ABCB5: variants seen among roughly 807,000 people sequenced by gnomAD.
ABCB5 encodes the protein ATP binding cassette subfamily B member 5, also known as ATP-binding cassette sub-family B member 5.
A neutral mutation model predicts 144.2 loss-of-function variants in ABCB5; 155 were observed. The ratio of observed to expected loss-of-function variants is 1.08; its 90% CI spans 0.94 to 1.23. The LOEUF (loss-of-function observed/expected upper bound fraction) is 1.23. ABCB5 is among the 50% of genes most tolerant of loss of function. The probability of loss-of-function intolerance (pLI) is 0.00; values close to 1 mark genes in which losing one functional copy is unlikely to be tolerated. For synonymous variants in ABCB5, 610 were observed against 528.6 expected, an observed-to-expected ratio of 1.15 and a Z score of -2.11; for missense variants, 1,830 against 1,520.8, an observed-to-expected ratio of 1.20 and a Z score of -3.38.
intron 20 of ABCB5, among the ~76,000 whole-genome samples, chr7:20,712,317 C>T (rs2128046648): frequency 6.7e-6 from 1 of 149,000 alleles, no homozygotes; most frequent in South Asian, 2.2e-4. Flanking sequence ...TTATCACTGA[C>T]TTTGAAATGT....
At chr7:20,687,524 G>A (rs1292326969) in intron 16 of ABCB5, among the ~76,000 whole-genome samples, 1 of 152,190 alleles carries the variant, frequency 6.6e-6, no homozygotes, top group Non-Finnish European at 1.5e-5. Flanking sequence ...GCTCTGAAAA[G>A]AAGGCTGAAA....
In ABCB5 at chr7:20,723,003, T is replaced by C. The variant is rs1781922305; in HGVS notation, c.2422-13T>C. The C allele has an allele frequency of 1.2e-6, 2 of 1,613,126 alleles. No individual in the cohort carries two copies. The highest frequency in any genetic ancestry group is 1.3e-5 in the African/African-American group (1 of 75,012). ...TAATTGAGTTTTTTCCCCCAAAATA[T>C]GTCTGATTATAGGCAACAGGTTCCA... is the stretch of plus-strand genomic sequence containing the variant. On this transcript the variant is annotated splice_polypyrimidine_tract_variant and intron_variant, in intron 20 of 27. Transcript: ENST00000404938.
In ABCB5 at chr7:20,657,967, T is replaced by C. The variant is rs375483892; in HGVS notation, c.1537-539T>C. 2.0e-5 allele frequency among the ~76,000 whole-genome samples: 3 copies of C among 152,238 alleles called. No homozygotes were observed. The East Asian group carries it at 5.8e-4, about 29-fold the overall frequency. On this transcript the variant is annotated intron_variant, in intron 13 of 27. Coordinates refer to ENST00000404938, the MANE Select transcript of ABCB5 (RefSeq NM_001163941.2). ...AAATATGGAAGACAAAATATCTACT[T>C]TGTTAAAGATAAATTTATTTTAAAA...
intron 26 of ABCB5, 42 bp from the exon 27 acceptor site, chr7:20,753,318 A>G (rs1324094721): frequency 1.3e-6 from 2 of 1,562,920 alleles, no homozygotes; most frequent in African/African-American, 2.7e-5. Flanking sequence ...GCTAATTTAA[A>G]TAACCAAGAC....
intron 20 of ABCB5, among the ~76,000 whole-genome samples, chr7:20,705,817 T>A (rs1474348677): frequency 6.6e-6 from 1 of 151,988 alleles, no homozygotes; most frequent in Admixed American, 6.6e-5. Flanking sequence ...TTTTTTTTTT[T>A]AACTTTTGCA....
chr7:20,648,661 T>A (rs189800371), intron 11 of ABCB5, among the ~76,000 whole-genome samples: 8 of 152,156 alleles, frequency 5.3e-5, no homozygotes, highest in Non-Finnish European at 1.0e-4. Context: ...TTGTTAAAGA[T>A]TGCACAAGGC....
intron 26 of ABCB5, among the ~76,000 whole-genome samples, chr7:20,750,968 A>T (rs148909075): frequency 2.6e-5 from 4 of 152,202 alleles, no homozygotes; most frequent in Non-Finnish European, 5.9e-5. Context: ...AGTATCACCC[A>T]GTGGCAGCTC....
chr7:20,753,627 C>T, intron 27 of ABCB5, 121 bp downstream of exon 27: 1 of 1,171,304 alleles, frequency 8.5e-7, no homozygotes, highest in East Asian at 2.6e-5. Flanking sequence ...TCTAAGGTCA[C>T]CAGTTCCAAT....
chr7:20,754,225 C>T (rs976123521), intron 27 of ABCB5, among the ~76,000 whole-genome samples: 11 of 152,178 alleles, frequency 7.2e-5, no homozygotes, highest in Non-Finnish European at 1.6e-4. Context: ...GATTAAGTAA[C>T]TTCTCTAAAT....
intron 26 of ABCB5, among the ~76,000 whole-genome samples, chr7:20,747,432 A>AT (rs1782763452): frequency 2.0e-5 from 3 of 151,982 alleles, no homozygotes. Flanking sequence ...TAATTTTTGT[A>AT]TTTTTTGTAG....
intron 20 of ABCB5, among the ~76,000 whole-genome samples, chr7:20,718,078 G>GT (rs1583448082): frequency 7.0e-6 from 1 of 141,940 alleles, no homozygotes; most frequent in African/African-American, 2.8e-5. Flanking sequence ...ATTTTTTTGT[G>GT]GTTTTTTTTT....
intron 19 of ABCB5, 140 bp downstream of exon 19, chr7:20,700,275 G>A: frequency 1.4e-6 from 1 of 692,842 alleles, no homozygotes; most frequent in Non-Finnish European, 2.3e-6. Flanking sequence ...GCAAAAATCT[G>A]ATGTCAGAAG....
chr7:20,718,072 T>G (rs1413691647), intron 20 of ABCB5, among the ~76,000 whole-genome samples: 1 of 144,730 alleles, frequency 6.9e-6, no homozygotes, highest in East Asian at 2.0e-4. Context: ...TGGCTAATTT[T>G]TTTGTGGTTT....
intron 5 of ABCB5, among the ~76,000 whole-genome samples, chr7:20,634,511 C>A (rs1460064130): frequency 6.6e-6 from 1 of 151,912 alleles, no homozygotes; most frequent in East Asian, 1.9e-4. Flanking sequence ...TTACGTTACC[C>A]CCAATAGTGT....
At chr7:20,688,669 C>T (rs551645490) in intron 16 of ABCB5, among the ~76,000 whole-genome samples, 39 of 152,230 alleles carry the variant, frequency 2.6e-4, no homozygotes, top group Non-Finnish European at 4.9e-4. Context: ...CACATGCACA[C>T]GTATGTTTAT....
intron 20 of ABCB5, among the ~76,000 whole-genome samples, chr7:20,717,988 AC>A (rs1474501707): frequency 8.9e-6 from 1 of 112,094 alleles, no homozygotes; most frequent in African/African-American, 3.4e-5. Context: ...TGCAAGCTCC[AC>A]CTCCCGAGTT....
chr7:20,750,763 G>C (rs1422909741), intron 26 of ABCB5, among the ~76,000 whole-genome samples: 2 of 151,560 alleles, frequency 1.3e-5, no homozygotes, highest in Admixed American at 1.3e-4. Flanking sequence ...GCTCAAACCA[G>C]AAGGGTGCAG....
intron 14 of ABCB5, among the ~76,000 whole-genome samples, chr7:20,665,717 A>G (rs958440144): frequency 6.8e-6 from 1 of 146,896 alleles, no homozygotes; most frequent in Admixed American, 6.8e-5. Context: ...GATGAGATAG[A>G]GATGGAAAGA....
chr7:20,617,497 T>A (rs1783714235), intron 1 of ABCB5, among the ~76,000 whole-genome samples: 1 of 152,238 alleles, frequency 6.6e-6, no homozygotes, highest in African/African-American at 2.4e-5. Flanking sequence ...ATCTTGGATT[T>A]AGGAAGATAA....
Sources: allele counts gnomAD v4.1 joint callset (sites outside exome capture counted in the v4.1 genomes callset), GRCh38; gene constraint gnomAD v4.1.1; transcripts MANE v1.5; gene names NCBI Gene and HGNC (gene_info 2026-07-23, HGNC 2026-07-21).